The following PIK3C2G variants were observed in gnomAD, a reference collection of about 807,000 sequenced individuals.
PIK3C2G encodes the protein phosphatidylinositol-4-phosphate 3-kinase catalytic subunit type 2 gamma, also known as phosphatidylinositol 3-kinase C2 domain-containing subunit gamma.
Under a neutral mutation model 181.1 loss-of-function variants are expected in PIK3C2G, and 168 were observed. That is an observed-to-expected ratio of 0.93 (90% CI 0.82 to 1.05). PIK3C2G has a LOEUF of 1.05. PIK3C2G is among the 50% of genes least tolerant of loss of function. The pLI is 0.00. For missense variants in PIK3C2G, 1,869 were observed against 1,732.8 expected (o/e 1.08, Z -1.40); for synonymous variants, 573 against 592.2 (o/e 0.97, Z 0.47).
rs552360918 is a variant in PIK3C2G, at chr12:18,644,944, T to C, written c.4309-2932T>C. On this transcript the variant is annotated intron_variant, in intron 32 of 32. Transcript: ENST00000538779. Reference sequence around the variant, plus strand: ...CACTTTAGAATTATTTACTAGACCCTTGTGTCAACTAATGTTCAGTAAATT... The same window carrying C: ...CACTTTAGAATTATTTACTAGACCCCTGTGTCAACTAATGTTCAGTAAATT... Among the ~76,000 whole-genome samples, 11 of 152,284 alleles carry C rather than the reference T, an allele frequency of 7.2e-5. No homozygotes were observed. In the East Asian group the frequency reaches 2.1e-3, roughly 29 times the overall value.
chr12:18,546,807 A>G (rs1156272228), intron 26 of PIK3C2G, among the ~76,000 whole-genome samples: 2 of 152,144 alleles, frequency 1.3e-5, no homozygotes, highest in Non-Finnish European at 1.5e-5. Flanking sequence ...CCTATGTAAG[A>G]CAATACAAAT....
intron 11 of PIK3C2G, among the ~76,000 whole-genome samples, chr12:18,355,537 C>T (rs923998690): frequency 1.3e-5 from 2 of 152,144 alleles, no homozygotes; most frequent in African/African-American, 4.8e-5. Flanking sequence ...GAGGGGAAGG[C>T]ATGCAGAGAG....
chr12:18,387,509 G>T (rs1943251240), intron 14 of PIK3C2G, among the ~76,000 whole-genome samples: 1 of 152,078 alleles, frequency 6.6e-6, no homozygotes. Context: ...ACTGTTCCCT[G>T]TCTATAATGT....
In PIK3C2G at chr12:18,298,121, G is replaced by T. The variant is rs551470607; in HGVS notation, c.1034+4106G>T. On this transcript the variant is annotated intron_variant, in intron 5 of 32. Transcript: ENST00000538779. ...CTCCATACTGTTTTCCATAATGGTT[G>T]TAGTAATTTACATTCTCTCCAACAG... 7.8e-4 allele frequency among the ~76,000 whole-genome samples: 119 copies of T among 152,040 alleles called. 1 individual carries two copies. The highest frequency in any genetic ancestry group is 2.7e-3 in the African/African-American group (111 of 41,534).
At chr12:18,590,034 G>T (rs951062102) in intron 29 of PIK3C2G, among the ~76,000 whole-genome samples, 61 of 151,160 alleles carry the variant, frequency 4.0e-4, no homozygotes, top group African/African-American at 1.3e-3. Flanking sequence ...AGTCCCAGTT[G>T]TGTTTGTACT....
chr12:18,694,113 C>A, the PIK3C2G span: 2 of 981,464 alleles, frequency 2.0e-6, no homozygotes, highest in Non-Finnish European at 3.2e-6. Context: ...ACTACGGCTG[C>A]CATCAGGAAA....
chr12:18,659,515 C>T, the PIK3C2G span, among the ~76,000 whole-genome samples: 4 of 152,122 alleles, frequency 2.6e-5, no homozygotes, highest in Non-Finnish European at 2.9e-5. Context: ...AATTACATAA[C>T]TATCATTTAA....
In PIK3C2G at chr12:18,381,667, C is replaced by T. The variant is rs767279527; in HGVS notation, c.1881-99C>T. ...CAACTGAATAAAGCCCCTGTAAGAG[C>T]GGATTATGTTTATATTCCAAAAGAA... On this transcript the variant is annotated intron_variant, in intron 13 of 32. Transcript: ENST00000538779. The T allele has an allele frequency of 5.8e-5, 41 of 704,352 alleles. 4 individuals are homozygous for T. The highest frequency in any genetic ancestry group is 5.5e-4 in the South Asian group (31 of 56,728). The allele number at this position is 704,352 out of a possible 1,614,324, so 43.6% of individuals were successfully genotyped here.
rs531653671 is a variant in PIK3C2G at position 18,302,516 on chromosome 12, GT to G, written c.1034+8502del. Among the ~76,000 whole-genome samples the G allele has an allele frequency of 5.9e-5, 9 of 152,266 alleles. No homozygotes were observed. In the South Asian group the frequency reaches 1.9e-3, roughly 32 times the overall value. ...GGCGATCCTCAGGACTCTGGATAAG[GT>G]GCTTGGGCACTGATGACAGGCATTT... On this transcript the variant is annotated intron_variant, in intron 5 of 32. Coordinates refer to ENST00000538779, the MANE Select transcript of PIK3C2G (RefSeq NM_001288772.2).
intron 31 of PIK3C2G, among the ~76,000 whole-genome samples, chr12:18,614,365 T>A (rs1257679034): frequency 1.3e-5 from 2 of 152,098 alleles, no homozygotes; most frequent in African/African-American, 4.8e-5. Flanking sequence ...TTTAATGAAA[T>A]AAACCATTAA....
At chr12:18,363,009 G>A (rs1489512412) in intron 12 of PIK3C2G, 123 bp downstream of exon 12, 1 of 676,400 alleles carries the variant, frequency 1.5e-6, no homozygotes, top group Non-Finnish European at 2.4e-6. Context: ...TGATTCAGTG[G>A]TATGATAAGT....
upstream of PIK3C2G, among the ~76,000 whole-genome samples, chr12:18,259,777 GC>G (rs1326436366): frequency 1.3e-5 from 2 of 152,030 alleles, no homozygotes; most frequent in African/African-American, 4.8e-5. Context: ...AATAAAATTT[GC>G]ATTTCATTGT....
intron 8 of PIK3C2G, among the ~76,000 whole-genome samples, chr12:18,336,047 T>A (rs1938502261): frequency 6.6e-6 from 1 of 152,186 alleles, no homozygotes; most frequent in African/African-American, 2.4e-5. Context: ...TTTCAGTTTT[T>A]TATGATTTTC....
At chr12:18,608,003 A>G (rs1948133017) in intron 30 of PIK3C2G, among the ~76,000 whole-genome samples, 1 of 152,214 alleles carries the variant, frequency 6.6e-6, no homozygotes, top group Non-Finnish European at 1.5e-5. Context: ...ACACTGAGAT[A>G]CCATCTCACA....
chr12:18,440,666 T>C (rs958572928), intron 18 of PIK3C2G, among the ~76,000 whole-genome samples: 1 of 152,044 alleles, frequency 6.6e-6, no homozygotes, highest in African/African-American at 2.4e-5. Flanking sequence ...CTAAGGTGGC[T>C]GGGTTAACTT....
intron 25 of PIK3C2G, among the ~76,000 whole-genome samples, chr12:18,542,530 G>A (rs1944213257): frequency 6.6e-6 from 1 of 151,754 alleles, no homozygotes; most frequent in Non-Finnish European, 1.5e-5. Context: ...GTACCCAATA[G>A]TTATCTTTTC....
chr12:18,390,918 TA>T (rs1943493647), intron 14 of PIK3C2G, among the ~76,000 whole-genome samples: 1 of 152,146 alleles, frequency 6.6e-6, no homozygotes, highest in African/African-American at 2.4e-5. Flanking sequence ...TTTGTATACA[TA>T]ATTGGCTAAA....
Position 18,282,002 on chromosome 12 carries a change from A to T in PIK3C2G, c.-78-2A>T. ...TTTTCTTTCATTTTATGCTTTTTCT[A>T]GGAAAATTTCTATCTTCTTTTGTAT... On this transcript the variant is annotated splice_acceptor_variant, in intron 1 of 32. Coordinates refer to ENST00000538779, the MANE Select transcript of PIK3C2G (RefSeq NM_001288772.2). LOFTEE classifies it low-confidence loss of function (5UTR_SPLICE). 1.2e-6 allele frequency: 1 copy of T among 809,254 alleles called. No homozygotes were observed. The highest frequency in any genetic ancestry group is 1.9e-6 in the Non-Finnish European group (1 of 515,770). 50.1% of individuals were successfully genotyped at this position (809,254 alleles called of 1,614,324 possible).
At chr12:18,334,015 A>T (rs1252550263) in intron 8 of PIK3C2G, among the ~76,000 whole-genome samples, 1 of 152,156 alleles carries the variant, frequency 6.6e-6, no homozygotes, top group Non-Finnish European at 1.5e-5. Context: ...TGATTAATTA[A>T]TTCTAAAGTA....
Sources: allele counts gnomAD v4.1 joint callset (sites outside exome capture counted in the v4.1 genomes callset), GRCh38; gene constraint gnomAD v4.1.1; transcripts MANE v1.5; gene names NCBI Gene and HGNC (gene_info 2026-07-23, HGNC 2026-07-21).